Variants in POLM observed in about 807,000 individuals in gnomAD.
POLM encodes DNA-directed DNA/RNA polymerase mu.
POLM carries 52 observed loss-of-function variants against 56.7 expected under a neutral mutation model. The observed-to-expected ratio is 0.92, with a 90% confidence interval of 0.73 to 1.15. The LOEUF (loss-of-function observed/expected upper bound fraction) is 1.15. Ranked by LOEUF, POLM falls within the 50% of genes most tolerant of loss-of-function variation. The probability of loss-of-function intolerance (pLI) is 0.00; values close to 1 mark genes in which losing one functional copy is unlikely to be tolerated. For missense variants in POLM, 660 were observed against 663.6 expected, an observed-to-expected ratio of 0.99 and a Z score of 0.06; for synonymous variants, 273 against 274.3, an observed-to-expected ratio of 1.00 and a Z score of 0.05.
chr7:44,079,962 G>A lies in POLM; in HGVS notation c.373-3C>T. Reference sequence around the variant, plus strand: ...GGCCCCTTCCTTGGCCCAGCCACCTGGGGATGGGCAATAAACAGGTCACTG... The same window carrying A: ...GGCCCCTTCCTTGGCCCAGCCACCTAGGGATGGGCAATAAACAGGTCACTG... On this transcript the variant is annotated splice_polypyrimidine_tract_variant and splice_region_variant and intron_variant, in intron 2 of 10. Transcript: ENST00000242248. 1 of 1,605,534 alleles carries A rather than the reference G, an allele frequency of 6.2e-7. No homozygotes were observed.
chr7:44,081,997 G>A (rs2096201428), intron 1 of POLM, among the ~76,000 whole-genome samples: 2 of 152,012 alleles, frequency 1.3e-5, no homozygotes, highest in South Asian at 2.1e-4. Flanking sequence ...TGCCCGCCTC[G>A]GCCTCCCAAA....
In POLM at chr7:44,079,754, G is replaced by T. The variant is rs779196946; in HGVS notation, c.472-13C>A. The T allele has an allele frequency of 6.2e-7, 1 of 1,609,560 alleles. No individual in the cohort carries two copies. Among genetic ancestry groups the T allele is most frequent in the Non-Finnish European group, 8.5e-7 (1 of 1,176,950 alleles). ...TCTCCAGAGCCTCCTGCAGGGAGGG[G>T]CCCTAGGTAAGGGGCAGGGTGGGCA... is the stretch of plus-strand genomic sequence containing the variant. On this transcript the variant is annotated splice_polypyrimidine_tract_variant and intron_variant, in intron 3 of 10. Transcript: ENST00000242248.
At chr7:44,082,163 G>T in intron 1 of POLM, 88 bp downstream of exon 1, 1 of 1,159,044 alleles carries the variant, frequency 8.6e-7, no homozygotes, top group East Asian at 3.2e-5. Flanking sequence ...TCAGGGAAAG[G>T]TCACAAGACC....
At chr7:44,077,521 A>G (rs921828587) in intron 5 of POLM, among the ~76,000 whole-genome samples, 2 of 152,234 alleles carry the variant, frequency 1.3e-5, no homozygotes, top group African/African-American at 2.4e-5. Flanking sequence ...TTGTTAATAA[A>G]CTTCTCATTA....
At chr7:44,079,269 GCT>G (rs2096192583) in intron 4 of POLM, among the ~76,000 whole-genome samples, 1 of 152,182 alleles carries the variant, frequency 6.6e-6, no homozygotes, top group Non-Finnish European at 1.5e-5. Flanking sequence ...CACTCAGGGT[GCT>G]CTCTTTCATT....
chr7:44,080,112 C>G (rs2096195488), intron 2 of POLM, among the ~76,000 whole-genome samples, 153 bp from the exon 3 acceptor site: 1 of 152,218 alleles, frequency 6.6e-6, no homozygotes, highest in African/African-American at 2.4e-5. Context: ...CGGCATGAGG[C>G]TGAGGGAGGC....
intron 1 of POLM, 42 bp downstream of exon 1, chr7:44,082,209 G>T (rs901667933): frequency 3.6e-5 from 50 of 1,404,920 alleles, no homozygotes; most frequent in Non-Finnish European, 4.5e-5. Context: ...TCCAAAACCA[G>T]AAGTGCCATG....
At chr7:44,080,635 C>A in intron 2 of POLM, 98 bp downstream of exon 2, 1 of 1,272,374 alleles carries the variant, frequency 7.9e-7, no homozygotes, top group South Asian at 1.3e-5. Flanking sequence ...CTCTGAAGGA[C>A]ATTGAGGCAT....
At position 44,074,419 on chromosome 7, in the gene POLM, G is replaced by A. The variant is rs145947306; in HGVS notation, c.947C>T (p.Thr316Met). Residue 316 changes from threonine (T) to methionine (M), a missense_variant, in exon 7 of 11, where the codon ACG (threonine) becomes ATG (methionine). Thr to Met is a moderately conservative substitution (Grantham distance 81). Coordinates refer to ENST00000242248, the MANE Select transcript of POLM (RefSeq NM_013284.4). ...VGQALPGATV[T>M]LTGGFRRGKL... The stretch of plus-strand genomic sequence containing the variant: ...TTACCTGCGGAAGCCGCCGGTCAGC[G>A]TGACGGTGGCCCCAGGCAGGGCCTG... 36 of 1,560,600 alleles carry A rather than the reference G, an allele frequency of 2.3e-5. No homozygotes were observed. In the African/African-American group the frequency reaches 2.3e-4, roughly 10 times the overall value.
intron 2 of POLM, chr7:44,080,523 C>G: frequency 1.4e-6 from 1 of 700,398 alleles, no homozygotes; most frequent in Non-Finnish European, 2.6e-6. Flanking sequence ...GTGGTGAGAA[C>G]AGAAGCTGAG....
rs150478779 is a variant in POLM, at chr7:44,076,832, G to A, written c.715-203C>T. ...CTGCCGTCTCTGGGAACAAACCCAC[G>A]CACACCCCTCTCCTCTCCTCTATGA... On this transcript the variant is annotated intron_variant, in intron 5 of 10. Transcript: ENST00000242248. The A allele has an allele frequency of 7.8e-5, 46 of 591,852 alleles. No homozygotes were observed. The East Asian group carries it at 1.1e-3, about 14-fold the overall frequency. 36.7% of individuals were successfully genotyped at this position (591,852 alleles called of 1,614,324 possible).
At chr7:44,074,624 C>T (rs373310206) in intron 6 of POLM, 94 bp from the exon 7 acceptor site, 132 of 1,404,272 alleles carry the variant, frequency 9.4e-5, no homozygotes, top group Non-Finnish European at 1.1e-4. Context: ...CCTGGGGCCC[C>T]GTCATTGCAG....
At chr7:44,078,639 G>T in intron 5 of POLM, 101 bp downstream of exon 5, 1 of 1,054,320 alleles carries the variant, frequency 9.5e-7, no homozygotes, top group Non-Finnish European at 1.5e-6. Context: ...CCCTGGGCTG[G>T]GTCAGCTGCC....
chr7:44,074,275 C>T, intron 7 of POLM, 42 bp from the exon 8 acceptor site: 1 of 1,544,670 alleles, frequency 6.5e-7, no homozygotes, highest in South Asian at 1.2e-5. Flanking sequence ...ACACGGCCTG[C>T]TCACTCCAGC....
rs1368539056 is a variant in POLM at position 44,082,295 on chromosome 7, T to C, written c.144A>G (p.Thr48=). The C allele has an allele frequency of 4.5e-6, 7 of 1,551,030 alleles. No individual in the cohort carries two copies. Among genetic ancestry groups the C allele is most frequent in the Admixed American group, 3.9e-5 (2 of 51,794 alleles). The change falls in exon 1 of 11, where the codon ACA becomes ACG. Residue 48 remains threonine, a synonymous_variant. Transcript: ENST00000242248. Reference sequence around the variant, plus strand: ...GGAAGCCTTTGGAGCGCGCCAGGCCTGTGAGGAAGGCCCGGCGGCTGCGAC... The same window carrying C: ...GGAAGCCTTTGGAGCGCGCCAGGCCCGTGAGGAAGGCCCGGCGGCTGCGAC... ...RMGRSRRAFL[T]GLARSKGFRV... is the part of the protein sequence containing the mutation.
At chr7:44,075,240 G>A (rs1040384017) in intron 6 of POLM, among the ~76,000 whole-genome samples, 2 of 152,200 alleles carry the variant, frequency 1.3e-5, no homozygotes, top group Non-Finnish European at 2.9e-5. Context: ...AGTAGAGACA[G>A]GGTTTCGCCA....
In POLM at chr7:44,079,964, G is replaced by C; in HGVS notation, c.373-5C>G. The C allele has an allele frequency of 6.2e-7, 1 of 1,602,650 alleles. No individual in the cohort carries two copies. Among genetic ancestry groups the C allele is most frequent in the Non-Finnish European group, 8.5e-7 (1 of 1,170,746 alleles). On this transcript the variant is annotated splice_polypyrimidine_tract_variant and splice_region_variant and intron_variant, in intron 2 of 10. Transcript: ENST00000242248. Reference sequence around the variant, plus strand: ...CCCCTTCCTTGGCCCAGCCACCTGGGGATGGGCAATAAACAGGTCACTGTG... The same window carrying C: ...CCCCTTCCTTGGCCCAGCCACCTGGCGATGGGCAATAAACAGGTCACTGTG...
At chr7:44,076,861 G>A in intron 5 of POLM, 1 of 541,366 alleles carries the variant, frequency 1.8e-6, no homozygotes, top group Middle Eastern at 5.0e-4. Context: ...TCTATGAAAG[G>A]GACTTACACA....
intron 10 of POLM, 64 bp from the exon 11 acceptor site, chr7:44,073,441 A>T: frequency 6.3e-7 from 1 of 1,592,364 alleles, no homozygotes; most frequent in Non-Finnish European, 8.6e-7. Context: ...CTGCAGGAAG[A>T]CTGAGGGTGG....
Sources: gnomAD v4.1 joint callset for allele counts (sites outside exome capture counted in the v4.1 genomes callset) on GRCh38, gnomAD v4.1.1 for gene constraint, MANE v1.5 for transcripts, NCBI Gene and HGNC (gene_info 2026-07-23, HGNC 2026-07-21) for gene names.